ITGA6: variants seen among roughly 807,000 people sequenced by gnomAD.
ITGA6 encodes integrin alpha-6.
In ITGA6, 63 loss-of-function variants were observed where a neutral mutation model predicts 133.6. That is an observed-to-expected ratio of 0.47 (90% confidence interval 0.38 to 0.58). ITGA6 has a LOEUF of 0.58. Ranked by LOEUF, ITGA6 falls within the 20% of genes least tolerant of loss-of-function variation. The pLI, the probability that ITGA6 is intolerant of heterozygous loss-of-function variation, is 0.00. For synonymous variants in ITGA6, 434 were observed against 482.0 expected, an observed-to-expected ratio of 0.90 and a Z score of 1.30; for missense variants, 1,068 against 1,309.4, an observed-to-expected ratio of 0.82 and a Z score of 2.85.
At chr2:172,459,450 G>A (rs1026191523) in intron 1 of ITGA6, among the ~76,000 whole-genome samples, 1 of 152,174 alleles carries the variant, frequency 6.6e-6, no homozygotes, top group African/African-American at 2.4e-5. Context: ...GTTGCAGTAG[G>A]TAGAGATCAT....
intron 12 of ITGA6, 85 bp downstream of exon 12, chr2:172,485,027 C>T: frequency 6.3e-7 from 1 of 1,592,408 alleles, no homozygotes; most frequent in Non-Finnish European, 8.6e-7. Flanking sequence ...GAAATTTATT[C>T]TGGCAACCTC....
At chr2:172,469,590 T>C (rs1685830596) in intron 4 of ITGA6, among the ~76,000 whole-genome samples, 1 of 152,190 alleles carries the variant, frequency 6.6e-6, no homozygotes, top group Non-Finnish European at 1.5e-5. Flanking sequence ...CCTCTACCAG[T>C]ACTTTACTTT....
At position 172,474,230 on chromosome 2, in the gene ITGA6, C is replaced by T; in HGVS notation, c.951C>T (p.Gly317=). The T allele has an allele frequency of 1.2e-6, 2 of 1,614,104 alleles. No individual in the cohort carries two copies. Residue 317 remains glycine (G), a synonymous_variant, in exon 6 of 26, where the codon GGC becomes GGT. Coordinates refer to ENST00000684293, the MANE Select transcript of ITGA6 (RefSeq NM_000210.4). ...GAGAAGGTCTGGCCTCTTCATTTGG[C>T]TATGATGTGGCGGTGGTGGACCTCA... The part of the protein sequence containing the change: ...FDGEGLASSF[G]YDVAVVDLNK...
At chr2:172,435,626 T>C (rs1684287256) in intron 1 of ITGA6, among the ~76,000 whole-genome samples, 1 of 137,438 alleles carries the variant, frequency 7.3e-6, no homozygotes. Context: ...CTTTTTTTTT[T>C]TTTTTTTTTT....
rs2149110373 is a variant in ITGA6, at chr2:172,504,645, C to A, written c.*577C>A. ...AGTGGCCGTCCTAACCTCGGGCCTG[C>A]TGCGCAGACGTCCATCACGTTAGCT... On this transcript the variant is annotated 3_prime_UTR_variant, in exon 26 of 26. Coordinates refer to ENST00000684293, the MANE Select transcript of ITGA6 (RefSeq NM_000210.4). The A allele has an allele frequency of 6.3e-6, 1 of 158,956 alleles. No homozygotes were observed. The highest frequency in any genetic ancestry group is 1.4e-5 in the Non-Finnish European group (1 of 72,164). 9.8% of individuals were successfully genotyped at this position (158,956 alleles called of 1,614,324 possible). A position where few individuals can be genotyped will look rare whatever the true frequency, so the allele number is the denominator to read the frequency against.
rs764342215 is a variant in ITGA6, at chr2:172,479,745, C to CGTCCCTCTGTCTTGGTGGG, written c.1487+6_1487+7insGTCCCTCTGTCTTGGTGGG. On this transcript the variant is annotated splice_region_variant and intron_variant, in intron 10 of 25. Coordinates refer to ENST00000684293, the MANE Select transcript of ITGA6 (RefSeq NM_000210.4). ...GGGGCGCCTAGTGGGATATGGTGAG[C>CGTCCCTCTGTCTTGGTGGG]ATCCCTCTGTCTTGGTGGGATCCCC... 7.5e-6 allele frequency: 12 copies of CGTCCCTCTGTCTTGGTGGG among 1,610,516 alleles called. No homozygotes were observed. Among genetic ancestry groups the CGTCCCTCTGTCTTGGTGGG allele is most frequent in the Non-Finnish European group, 7.6e-6 (9 of 1,176,852 alleles).
rs1006950275 is a variant in ITGA6 at position 172,427,878 on chromosome 2, G to A, written c.90G>A (p.Glu30=). 6.2e-7 allele frequency: 1 copy of A among 1,606,826 alleles called. No individual in the cohort carries two copies. Reference sequence around the variant, plus strand: ...CAGCCTTCAACTTGGACACTCGGGAGGACAACGTGATCCGGAAATATGGAG... The same window carrying A: ...CAGCCTTCAACTTGGACACTCGGGAAGACAACGTGATCCGGAAATATGGAG... ...LGAAFNLDTR[E]DNVIRKYGDP... Residue 30 remains glutamate, a synonymous_variant, in exon 1 of 26, where the codon GAG becomes GAA. Transcript: ENST00000684293.
chr2:172,476,075 CTT>C (rs745332137), intron 8 of ITGA6, among the ~76,000 whole-genome samples: 39 of 152,096 alleles, frequency 2.6e-4, no homozygotes, highest in Non-Finnish European at 5.1e-4. Flanking sequence ...TTAAAAATGT[CTT>C]TTGAGAAAAA....
chr2:172,444,937 T>C (rs1684696346), intron 1 of ITGA6, among the ~76,000 whole-genome samples: 1 of 151,090 alleles, frequency 6.6e-6, no homozygotes, highest in Admixed American at 6.6e-5. Flanking sequence ...TGTAAGCGTT[T>C]AGGCATATAA....
At chr2:172,475,776 CTTATT>C (rs893254623) in intron 8 of ITGA6, 91 bp downstream of exon 8, 20 of 789,584 alleles carry the variant, frequency 2.5e-5, no homozygotes, top group South Asian at 2.8e-5. Context: ...TCACACAAAT[CTTATT>C]TTATTTACAA....
chr2:172,482,264 A>G (rs1458209503), intron 11 of ITGA6, among the ~76,000 whole-genome samples: 1 of 152,232 alleles, frequency 6.6e-6, no homozygotes, highest in Non-Finnish European at 1.5e-5. Flanking sequence ...CATTCAAAGA[A>G]CATTTGCTTT....
At chr2:172,465,774 A>C in intron 2 of ITGA6, 111 bp downstream of exon 2, 3 of 1,396,592 alleles carry the variant, frequency 2.1e-6, no homozygotes, top group Non-Finnish European at 3.0e-6. Context: ...ACTTCTTTTA[A>C]TTGCATCAGA....
At chr2:172,499,032 G>A (rs186105085) in intron 24 of ITGA6, among the ~76,000 whole-genome samples, 10 of 152,256 alleles carry the variant, frequency 6.6e-5, no homozygotes, top group Admixed American at 2.6e-4. Flanking sequence ...AAACATGTCC[G>A]GTCTGGAGGG....
chr2:172,469,340 T>C lies in ITGA6; in HGVS notation c.603T>C (p.His201=). Residue 201 remains histidine, a synonymous_variant, in exon 4 of 26, where the codon CAT becomes CAC. Transcript: ENST00000684293. The part of the protein sequence containing the change: ...GVAATFTKDF[H]YIVFGAPGTY... ...CAGCTACTTTTACTAAAGACTTTCA[T>C]TACATTGTATTTGGAGCCCCGGGTA... 1.9e-6 allele frequency: 3 copies of C among 1,614,118 alleles called. No individual in the cohort carries two copies.
At position 172,487,549 on chromosome 2, in the gene ITGA6, G is replaced by T. The variant is rs200765179; in HGVS notation, c.2163G>T (p.Glu721Asp). Residue 721 changes from glutamate (E) to aspartate (D), a missense_variant and splice_region_variant, in exon 16 of 26, where the codon GAG becomes GAT. This residue lies in a region of ITGA6 where 609 missense variants were observed against 707.2 expected (regional missense o/e 0.86). Transcript: ENST00000684293. ...SAYRELRAFPEKQLSCVANQN... is the reference protein window; with the variant it reads ...SAYRELRAFPDKQLSCVANQN... The stretch of plus-strand genomic sequence containing the variant: ...CCTAGCGTGTGTTTCTTTTACAGGA[G>T]AAACAGTTGAGTTGTGTTGCCAACC... 3.7e-6 allele frequency: 6 copies of T among 1,614,096 alleles called. No homozygotes were observed. The East Asian group carries it at 1.1e-4, about 30-fold the overall frequency.
chr2:172,479,541 A>G (rs988402188), intron 9 of ITGA6, 100 bp from the exon 10 acceptor site: 4 of 947,086 alleles, frequency 4.2e-6, no homozygotes, highest in East Asian at 4.8e-5. Context: ...CTGTGTTTTT[A>G]AGCTGTGCTG....
rs752424943 is a variant in ITGA6 at position 172,487,027 on chromosome 2, ACTT to A, written c.1863_1865del (p.Phe621del). The A allele has an allele frequency of 3.8e-6, 6 of 1,587,796 alleles. No individual in the cohort carries two copies. In the Admixed American group the frequency reaches 1.0e-4, roughly 26 times the overall value. ...ATAGTTTTCGTTTTCCTACAGGTTC[ACTT>A]CTTAAAAGAGGGATGTGGAGACGAC... On this transcript the variant is annotated inframe_deletion, in exon 14 of 26. Transcript: ENST00000684293.
rs543339177 is a variant in ITGA6, at chr2:172,501,654, A to T, written c.3115-118A>T. The T allele has an allele frequency of 2.2e-5, 20 of 901,450 alleles. No homozygotes were observed. The East Asian group carries it at 4.8e-4, about 21-fold the overall frequency. 55.8% of individuals were successfully genotyped at this position (901,450 alleles called of 1,614,324 possible). On this transcript the variant is annotated intron_variant, in intron 24 of 25. Coordinates refer to ENST00000684293, the MANE Select transcript of ITGA6 (RefSeq NM_000210.4). Reference sequence around the variant, plus strand: ...TGGCTGTTCATTGTTGGTTGACTGAAAGTGGTCTGTTTGTAAACAAGCCAC... The same window carrying T: ...TGGCTGTTCATTGTTGGTTGACTGATAGTGGTCTGTTTGTAAACAAGCCAC...
At position 172,487,586 on chromosome 2, in the gene ITGA6, C is replaced by G; in HGVS notation, c.2200C>G (p.Gln734Glu). The change falls in exon 16 of 26, where the codon CAA (glutamine) becomes GAA (glutamate). Residue 734 changes from glutamine to glutamate, a missense_variant. Coordinates refer to ENST00000684293, the MANE Select transcript of ITGA6 (RefSeq NM_000210.4). Reference sequence around the variant, plus strand: ...TTGTGTTGCCAACCAGAATGGCTCGCAAGCTGACTGTGAGCTCGGAAATCC... The same window carrying G: ...TTGTGTTGCCAACCAGAATGGCTCGGAAGCTGACTGTGAGCTCGGAAATCC... Reference protein sequence around the residue: ...LSCVANQNGSQADCELGNPFK... With the variant: ...LSCVANQNGSEADCELGNPFK... The G allele has an allele frequency of 1.9e-6, 3 of 1,614,154 alleles. No individual in the cohort carries two copies. Among genetic ancestry groups the G allele is most frequent in the Non-Finnish European group, 2.5e-6 (3 of 1,180,004 alleles).
Sources: gnomAD v4.1 joint callset for allele counts (sites outside exome capture counted in the v4.1 genomes callset) on GRCh38, gnomAD v4.1.1 for gene constraint, gnomAD v4.1.1 regional missense constraint, MANE v1.5 for transcripts, NCBI Gene and HGNC (gene_info 2026-07-23, HGNC 2026-07-21) for gene names.